The following C16orf89 variants were observed in gnomAD, a reference collection of about 807,000 sequenced individuals.
C16orf89 encodes UPF0764 protein C16orf89.
C16orf89 carries 57 observed loss-of-function variants against 41.5 expected under a neutral mutation model. The observed-to-expected ratio is 1.38, with a 90% CI of 1.11 to 1.71. C16orf89 has a LOEUF of 1.71. Among genes scored for constraint, C16orf89 ranks in the 40% most tolerant of loss-of-function variants. C16orf89 has a pLI of 0.00. For synonymous variants in C16orf89, 223 were observed against 190.6 expected (o/e 1.17, Z -1.40); for missense variants, 575 against 445.9 (o/e 1.29, Z -2.61).
At chr16:5,048,413 C>G (rs1038812721) in intron 6 of C16orf89, among the ~76,000 whole-genome samples, 1 of 152,182 alleles carries the variant, frequency 6.6e-6, no homozygotes, top group African/African-American at 2.4e-5. Flanking sequence ...TCTCTTGAAA[C>G]TTGAGGCTAT....
intron 5 of C16orf89, 125 bp downstream of exon 5, chr16:5,055,928 C>G (rs1956490450): frequency 1.6e-6 from 2 of 1,276,800 alleles, no homozygotes; most frequent in Non-Finnish European, 1.1e-6. Context: ...CTTGCTTAAT[C>G]TGGCAACTCC....
chr16:5,058,397 T>G (rs1567157129), intron 4 of C16orf89, 96 bp downstream of exon 4: 1 of 1,111,834 alleles, frequency 9.0e-7, no homozygotes, highest in Non-Finnish European at 1.3e-6. Flanking sequence ...CCTCCCAAAG[T>G]GCTTGGATTA....
chr16:5,060,377 C>G lies in C16orf89; in HGVS notation c.418G>C (p.Asp140His). 6.2e-7 allele frequency: 1 copy of G among 1,613,456 alleles called. No homozygotes were observed. Among genetic ancestry groups the G allele is most frequent in the Non-Finnish European group, 8.5e-7 (1 of 1,179,742 alleles). Residue 140 changes from aspartate (D) to histidine (H), a missense_variant, in exon 3 of 8, where the codon GAT becomes CAT. By Grantham distance (81) the Asp-to-His change is moderately conservative. Coordinates refer to ENST00000472572, the MANE Select transcript of C16orf89 (RefSeq NM_001098514.3). ...WKLPHAWIHT[D>H]ASLVYPTFGP... Reference sequence around the variant, plus strand: ...AACGTGGGGTACACCAAGGAGGCATCAGTGTGGATCCAGGCATGTGGGAGC... The same window carrying G: ...AACGTGGGGTACACCAAGGAGGCATGAGTGTGGATCCAGGCATGTGGGAGC...
intron 6 of C16orf89, 51 bp downstream of exon 6, chr16:5,055,195 A>T: frequency 7.3e-7 from 1 of 1,366,454 alleles, no homozygotes; most frequent in African/African-American, 1.4e-5. Flanking sequence ...ACTCAGAGCC[A>T]CCCCCACCCC....
intron 1 of C16orf89, 122 bp from the exon 2 acceptor site, chr16:5,062,696 G>T: frequency 9.1e-7 from 1 of 1,101,952 alleles, no homozygotes; most frequent in Non-Finnish European, 1.3e-6. Flanking sequence ...GCCTTCTCCA[G>T]CACTCAGAGG....
intron 4 of C16orf89, among the ~76,000 whole-genome samples, chr16:5,057,074 C>T (rs191093392): frequency 2.2e-4 from 33 of 151,876 alleles, no homozygotes; most frequent in Non-Finnish European, 4.3e-4. Context: ...CCCATCTCTA[C>T]TAAAAATACA....
At chr16:5,054,773 T>C (rs930420087) in intron 6 of C16orf89, among the ~76,000 whole-genome samples, 1 of 152,164 alleles carries the variant, frequency 6.6e-6, no homozygotes. Flanking sequence ...CGGTAATGAA[T>C]AAGTCTCACA....
intron 6 of C16orf89, 58 bp from the exon 7 acceptor site, chr16:5,048,022 A>G (rs1956331112): frequency 1.0e-6 from 1 of 953,678 alleles, no homozygotes; most frequent in Non-Finnish European, 1.6e-6. Context: ...TTACATTTTT[A>G]TTTCTTTTTA....
At chr16:5,059,617 C>T (rs910132304) in intron 3 of C16orf89, among the ~76,000 whole-genome samples, 1 of 152,198 alleles carries the variant, frequency 6.6e-6, no homozygotes, top group East Asian at 1.9e-4. Flanking sequence ...CCACTTTGCC[C>T]ATGGGCCCTG....
chr16:5,044,944 G>A (rs1956268397), intron 7 of C16orf89: 1 of 1,212,958 alleles, frequency 8.2e-7, no homozygotes, highest in Non-Finnish European at 1.0e-6. Context: ...TGGGCCGGGT[G>A]CTCTTCCGCC....
intron 6 of C16orf89, among the ~76,000 whole-genome samples, chr16:5,050,135 A>T (rs1417322408): frequency 6.6e-6 from 1 of 152,196 alleles, no homozygotes; most frequent in African/African-American, 2.4e-5. Context: ...TGGGAGGCCA[A>T]GGTGGGCAGA....
chr16:5,056,915 T>A (rs1465284220), intron 4 of C16orf89, among the ~76,000 whole-genome samples: 1 of 152,108 alleles, frequency 6.6e-6, no homozygotes, highest in Non-Finnish European at 1.5e-5. Context: ...GTTTTTTGAA[T>A]GAAGATAATG....
At chr16:5,063,296 T>G (rs1382950893) in intron 1 of C16orf89, among the ~76,000 whole-genome samples, 1 of 152,136 alleles carries the variant, frequency 6.6e-6, no homozygotes, top group Non-Finnish European at 1.5e-5. Flanking sequence ...GGCGACCGGC[T>G]CTGGCACGCC....
intron 4 of C16orf89, among the ~76,000 whole-genome samples, chr16:5,056,661 C>G (rs1030607707): frequency 1.3e-5 from 2 of 152,104 alleles, no homozygotes; most frequent in African/African-American, 4.8e-5. Flanking sequence ...TGGTGACTCC[C>G]CACACTGGGA....
Position 5,044,330 on chromosome 16 carries a change from G to A in C16orf89, c.*18C>T, listed in dbSNP as rs758123241. 2.5e-6 allele frequency: 4 copies of A among 1,585,944 alleles called. No homozygotes were observed. The highest frequency in any genetic ancestry group is 3.4e-6 in the Non-Finnish European group (4 of 1,167,608). On this transcript the variant is annotated 3_prime_UTR_variant, in exon 8 of 8. Coordinates refer to ENST00000472572, the MANE Select transcript of C16orf89 (RefSeq NM_001098514.3). Reference sequence around the variant, plus strand: ...GGGTCTGTTCCTCCTCCAGGCAGCTGGCATGGAACCGTCCGTCTCAGCGGC... The same window carrying A: ...GGGTCTGTTCCTCCTCCAGGCAGCTAGCATGGAACCGTCCGTCTCAGCGGC...
chr16:5,056,595 A>G (rs563469098), intron 4 of C16orf89, among the ~76,000 whole-genome samples: 69 of 152,238 alleles, frequency 4.5e-4, no homozygotes, highest in Non-Finnish European at 9.1e-4. Context: ...ATGTACAACG[A>G]GCCTGAACCC....
chr16:5,058,476 G>C lies in C16orf89; in HGVS notation c.627+17C>G, dbSNP rs1353272692. 1 of 1,569,402 alleles carries C rather than the reference G, an allele frequency of 6.4e-7. No homozygotes were observed. The highest frequency in any genetic ancestry group is 8.7e-7 in the Non-Finnish European group (1 of 1,143,972). On this transcript the variant is annotated intron_variant, in intron 4 of 7. Coordinates refer to ENST00000472572, the MANE Select transcript of C16orf89 (RefSeq NM_001098514.3). ...TTCCCCTTCCCCTGGCACGGCGGGG[G>C]CTCCCTGGGCACTCACCATTCTGGC...
intron 7 of C16orf89, among the ~76,000 whole-genome samples, chr16:5,045,822 C>T (rs1254152011): frequency 6.6e-6 from 1 of 152,232 alleles, no homozygotes; most frequent in Non-Finnish European, 1.5e-5. Flanking sequence ...CAGCTGCCTC[C>T]TGCTCCGTGG....
At chr16:5,053,540 G>GT (rs1383965959) in intron 6 of C16orf89, among the ~76,000 whole-genome samples, 8 of 149,266 alleles carry the variant, frequency 5.4e-5, no homozygotes, top group African/African-American at 1.5e-4. Flanking sequence ...AACAATTTGT[G>GT]GTTTTTTTTT....
Sources: allele counts gnomAD v4.1 joint callset (sites outside exome capture counted in the v4.1 genomes callset), GRCh38; gene constraint gnomAD v4.1.1; transcripts MANE v1.5; gene names NCBI Gene and HGNC (gene_info 2026-07-23, HGNC 2026-07-21).